SLC3A2: variants seen among roughly 807,000 people sequenced by gnomAD.
The protein encoded by SLC3A2 is amino acid transporter heavy chain SLC3A2.
SLC3A2 carries 32 observed loss-of-function variants against 48.5 expected under a neutral mutation model. The observed-to-expected ratio is 0.66, with a 90% CI of 0.50 to 0.89. SLC3A2 has a LOEUF of 0.89. Among genes scored for constraint, SLC3A2 ranks in the 40% least tolerant of loss-of-function variants. The pLI is 0.00. For missense variants in SLC3A2, 587 were observed against 680.7 expected, an observed-to-expected ratio of 0.86 and a Z score of 1.53; for synonymous variants, 277 against 288.8, an observed-to-expected ratio of 0.96 and a Z score of 0.41.
At position 62,880,935 on chromosome 11, in the gene SLC3A2, G is replaced by T; in HGVS notation, c.-89G>T. ...AAACTGCGCGGAGGCACAGAGGCCG[G>T]GGAGAGCGTTCTGGGTCCGAGGGTC... On this transcript the variant is annotated 5_prime_UTR_variant, in exon 1 of 9. Transcript: ENST00000338663. 1.4e-6 allele frequency: 2 copies of T among 1,476,356 alleles called. No individual in the cohort carries two copies. Among genetic ancestry groups the T allele is most frequent in the South Asian group, 1.4e-5 (1 of 70,010 alleles). 91.5% of individuals were successfully genotyped at this position (1,476,356 alleles called of 1,614,324 possible).
chr11:62,856,164 G>T, exon 1 of SLC3A2: 1 of 856,768 alleles, frequency 1.2e-6, no homozygotes, highest in Non-Finnish European at 1.8e-6. Flanking sequence ...TGAGATCACT[G>T]CCTCACGGCG....
At chr11:62,861,879 C>T (rs1304231697) in intron 1 of SLC3A2, among the ~76,000 whole-genome samples, 2 of 148,578 alleles carry the variant, frequency 1.3e-5, no homozygotes, top group Non-Finnish European at 3.0e-5. Flanking sequence ...CCACTGCACT[C>T]CAGCCTGGCC....
At chr11:62,865,128 C>G (rs1319301403) in intron 1 of SLC3A2, among the ~76,000 whole-genome samples, 1 of 152,132 alleles carries the variant, frequency 6.6e-6, no homozygotes, top group Non-Finnish European at 1.5e-5. Context: ...TTCCCTTTAC[C>G]CAGTGTACCG....
rs748115145 is a variant in SLC3A2, at chr11:62,881,851, C to A, written c.425-42C>A. On this transcript the variant is annotated intron_variant, in intron 1 of 8. Transcript: ENST00000338663. This position sits in a 1 kb window ranked among gnomAD's most constrained non-coding sequence, Gnocchi z 4.0. ...AAGGGAGGGTGGGGAGGTCAGGGGCCTCTCAGAGGGGCCTCACTTGTTAAC... is the reference window on the plus strand; with the variant it reads ...AAGGGAGGGTGGGGAGGTCAGGGGCATCTCAGAGGGGCCTCACTTGTTAAC... 1.2e-6 allele frequency: 2 copies of A among 1,600,666 alleles called. No homozygotes were observed. Among genetic ancestry groups the A allele is most frequent in the South Asian group, 1.1e-5 (1 of 90,628 alleles).
chr11:62,856,827 C>CTT (rs11337244), intron 1 of SLC3A2, among the ~76,000 whole-genome samples: 1 of 126,038 alleles, frequency 7.9e-6, no homozygotes, highest in East Asian at 2.2e-4. Flanking sequence ...TTTTTTCTTT[C>CTT]TTTTTTTTTT....
chr11:62,869,068 T>G (rs914127994), intron 1 of SLC3A2, among the ~76,000 whole-genome samples: 4 of 151,804 alleles, frequency 2.6e-5, no homozygotes, highest in Non-Finnish European at 5.9e-5. Flanking sequence ...CCCGCTAATT[T>G]TTGTATTTTT....
upstream of SLC3A2, among the ~76,000 whole-genome samples, chr11:62,879,469 C>G (rs2085606132): frequency 2.6e-5 from 4 of 152,262 alleles, no homozygotes; most frequent in South Asian, 8.3e-4. Flanking sequence ...TCTTATCTGG[C>G]ACATGCAGGG....
At chr11:62,862,461 G>A (rs1183853805) in intron 1 of SLC3A2, among the ~76,000 whole-genome samples, 1 of 151,862 alleles carries the variant, frequency 6.6e-6, no homozygotes, top group South Asian at 2.1e-4. Flanking sequence ...ACCAGCCTGG[G>A]CAACATAGTA....
Position 62,880,967 on chromosome 11 carries a change from G to T in SLC3A2, c.-57G>T. On this transcript the variant is annotated 5_prime_UTR_variant, in exon 1 of 9. It adds an upstream start codon to the 5' untranslated region. Coordinates refer to ENST00000338663, the MANE Select transcript of SLC3A2 (RefSeq NM_001013251.3). ...CGTTCTGGGTCCGAGGGTCCAGGTA[G>T]GGGTTGAGCCACCATCTGACCGCAA... 1 of 1,515,966 alleles carries T rather than the reference G, an allele frequency of 6.6e-7. No homozygotes were observed. The highest frequency in any genetic ancestry group is 1.3e-5 in the South Asian group (1 of 75,526). The allele number at this position is 1,515,966 out of a possible 1,614,324, so 93.9% of individuals were successfully genotyped here.
intron 1 of SLC3A2, among the ~76,000 whole-genome samples, chr11:62,857,789 G>A (rs2085354411): frequency 6.6e-6 from 1 of 151,648 alleles, no homozygotes; most frequent in South Asian, 2.1e-4. Context: ...GGGAGGTTGT[G>A]TGTGGGAATG....
rs539979023 is a variant in SLC3A2 at position 62,874,248 on chromosome 11, T to C, written c.113-6771T>C. 2.6e-5 allele frequency among the ~76,000 whole-genome samples: 4 copies of C among 152,170 alleles called. No individual in the cohort carries two copies. In the South Asian group the frequency reaches 8.3e-4, roughly 32 times the overall value. On this transcript the variant is annotated intron_variant, in intron 1 of 9. Coordinates refer to the SLC3A2 transcript ENST00000377889. ...TTTTAAGGTCTCTTATTGCTACTTA[T>C]CTTTTTTGATGAGATTAAGTATTCT...
At chr11:62,865,062 C>T (rs1006551775) in intron 1 of SLC3A2, among the ~76,000 whole-genome samples, 2 of 152,124 alleles carry the variant, frequency 1.3e-5, no homozygotes, top group Non-Finnish European at 2.9e-5. Context: ...TTTGGGTTTC[C>T]AGGTCTCAAT....
rs1217686728 is a variant in SLC3A2, at chr11:62,881,782, C to A, written c.425-111C>A. On this transcript the variant is annotated intron_variant, in intron 1 of 8. Coordinates refer to ENST00000338663, the MANE Select transcript of SLC3A2 (RefSeq NM_001013251.3). This position sits in a 1 kb window ranked among gnomAD's most constrained non-coding sequence, Gnocchi z 4.0. ...TCGTGATTCAGCCTTGCCTCCCTCTCTCCCCCTTTGCCCCCTCCCCGTCCC... is the reference window on the plus strand; with the variant it reads ...TCGTGATTCAGCCTTGCCTCCCTCTATCCCCCTTTGCCCCCTCCCCGTCCC... The A allele has an allele frequency of 4.8e-6, 6 of 1,247,864 alleles. No homozygotes were observed. The highest frequency in any genetic ancestry group is 4.3e-5 in the South Asian group (3 of 70,546). 77.3% of individuals were successfully genotyped at this position (1,247,864 alleles called of 1,614,324 possible). A position where few individuals can be genotyped will look rare whatever the true frequency, so the allele number is the denominator to read the frequency against.
At chr11:62,887,523 T>C (rs1373517702) in intron 7 of SLC3A2, among the ~76,000 whole-genome samples, 1 of 151,990 alleles carries the variant, frequency 6.6e-6, no homozygotes, top group Non-Finnish European at 1.5e-5. Flanking sequence ...GCCAACATGG[T>C]GAAACCCCGT....
chr11:62,865,987 C>T (rs1330944374), intron 1 of SLC3A2, among the ~76,000 whole-genome samples: 6 of 152,090 alleles, frequency 3.9e-5, no homozygotes, highest in African/African-American at 9.7e-5. Context: ...TGATGTCCAC[C>T]GATGTCACCA....
At chr11:62,866,398 T>C (rs528031347) in intron 1 of SLC3A2, among the ~76,000 whole-genome samples, 1 of 151,042 alleles carries the variant, frequency 6.6e-6, no homozygotes, top group East Asian at 2.0e-4. Context: ...GTTTCTTTGC[T>C]TTTTTTTGGC....
upstream of SLC3A2, among the ~76,000 whole-genome samples, chr11:62,879,233 G>T (rs1338736992): frequency 6.6e-6 from 1 of 152,080 alleles, no homozygotes; most frequent in Non-Finnish European, 1.5e-5. Flanking sequence ...TTACAGGTGT[G>T]AGCCACCACA....
rs1372803512 is a variant in SLC3A2 at position 62,888,817 on chromosome 11, G to A, written c.*124G>A. ...CAGATTATGAGTGAACCCCCAAATAGGGTGTTTTCTGCCTTCAAATAAAAG... is the reference window on the plus strand; with the variant it reads ...CAGATTATGAGTGAACCCCCAAATAAGGTGTTTTCTGCCTTCAAATAAAAG... On this transcript the variant is annotated 3_prime_UTR_variant, in exon 9 of 9. Transcript: ENST00000338663. The A allele has an allele frequency of 1.1e-6, 1 of 938,188 alleles. No homozygotes were observed. Among genetic ancestry groups the A allele is most frequent in the South Asian group, 1.7e-5 (1 of 57,612 alleles). 58.1% of individuals were successfully genotyped at this position (938,188 alleles called of 1,614,324 possible). A position where few individuals can be genotyped will look rare whatever the true frequency, so the allele number is the denominator to read the frequency against.
intron 1 of SLC3A2, among the ~76,000 whole-genome samples, chr11:62,865,561 C>CAA (rs35320203): frequency 0.044 from 3,789 of 86,680 alleles, 57 homozygotes; most frequent in Middle Eastern, 0.076. Context: ...GTCTCCCCCA[C>CAA]AAAAAAAAAA....
Sources: gnomAD v4.1 joint callset for allele counts (sites outside exome capture counted in the v4.1 genomes callset) on GRCh38, gnomAD v4.1.1 for gene constraint, Gnocchi (gnomAD v3.1) non-coding constraint, MANE v1.5 for transcripts, NCBI Gene and HGNC (gene_info 2026-07-23, HGNC 2026-07-21) for gene names.